The following ADD2 variants were observed in gnomAD, a reference collection of about 807,000 sequenced individuals.
ADD2 encodes the protein beta-adducin.
Under a neutral mutation model 83.0 loss-of-function variants are expected in ADD2, and 23 were observed. The observed-to-expected ratio is 0.28, with a 90% CI of 0.20 to 0.39. The LOEUF (loss-of-function observed/expected upper bound fraction) is 0.39, where lower values mean the gene tolerates loss of function less well. ADD2 is among the 10% of genes least tolerant of loss of function. The pLI is 1.00. For synonymous variants in ADD2, 375 were observed against 375.4 expected (o/e 1.00, Z 0.01); for missense variants, 758 against 944.9 (o/e 0.80, Z 2.59).
chr2:70,677,618 T>A, intron 12 of ADD2, 140 bp downstream of exon 12: 1 of 1,132,370 alleles, frequency 8.8e-7, no homozygotes, highest in Non-Finnish European at 1.3e-6. Context: ...CCATGGTCAG[T>A]CAATGGTAGT....
In ADD2 at chr2:70,672,859, C is replaced by T. The variant is rs782391328; in HGVS notation, c.1870+19G>A. 1.2e-6 allele frequency: 2 copies of T among 1,601,792 alleles called. No homozygotes were observed. The highest frequency in any genetic ancestry group is 1.7e-6 in the Non-Finnish European group (2 of 1,175,654). On this transcript the variant is annotated intron_variant, in intron 15 of 15. Transcript: ENST00000264436. The stretch of plus-strand genomic sequence containing the variant: ...ATGCACCCCTCTCCCTCCCTCCCAG[C>T]CTACTCAGCTGGACTCACCCTCTAA...
chr2:70,678,744 T>C lies in ADD2; in HGVS notation c.1343A>G (p.Glu448Gly), dbSNP rs1553368912. The change falls in exon 11 of 16, where the codon GAG becomes GGG. Residue 448 changes from glutamate to glycine, a missense_variant. By Grantham distance (98) the Glu-to-Gly change is moderately conservative. This residue lies in a region of ADD2 where 394 missense variants were observed against 509.3 expected (regional missense o/e 0.77). Coordinates refer to ENST00000264436, the MANE Select transcript of ADD2 (RefSeq NM_001617.4). ...NTYLRVNVADEVQRSMGSPRP... is the reference protein window; with the variant it reads ...NTYLRVNVADGVQRSMGSPRP... ...GGGGCTGCCCATGCTCCTCTGGACC[T>C]CATCGGCCACATTGACCCGCAGGTA... 2 of 1,600,854 alleles carry C rather than the reference T, an allele frequency of 1.2e-6. No individual in the cohort carries two copies. Among genetic ancestry groups the C allele is most frequent in the African/African-American group, 2.7e-5 (2 of 74,842 alleles).
rs1675375483 is a variant in ADD2, at chr2:70,656,837, AG to A, written c.*6587del. 6.6e-6 allele frequency: 1 copy of A among 152,214 alleles called. No homozygotes were observed. Among genetic ancestry groups the A allele is most frequent in the South Asian group, 2.1e-4 (1 of 4,830 alleles). 9.4% of individuals were successfully genotyped at this position (152,214 alleles called of 1,614,324 possible). A position where few individuals can be genotyped will look rare whatever the true frequency, so the allele number is the denominator to read the frequency against. On this transcript the variant is annotated 3_prime_UTR_variant, in exon 16 of 16. Transcript: ENST00000264436. ...GGGTCATGTCTGCAGGTGAGGTAACAGCACACACATACAGAAATTCACGGGC... is the reference window on the plus strand; with the variant it reads ...GGGTCATGTCTGCAGGTGAGGTAACACACACACATACAGAAATTCACGGGC...
Position 70,663,173 on chromosome 2 carries a change from TG to T in ADD2, c.*251del, listed in dbSNP as rs149058117. 17,816 of 488,344 alleles carry T rather than the reference TG, an allele frequency of 0.036. 673 individuals are homozygous for T. The highest frequency in any genetic ancestry group is 0.12 in the African/African-American group (6,377 of 51,776). 30.3% of individuals were successfully genotyped at this position (488,344 alleles called of 1,614,324 possible). A position where few individuals can be genotyped will look rare whatever the true frequency, so the allele number is the denominator to read the frequency against. On this transcript the variant is annotated 3_prime_UTR_variant, in exon 16 of 16. Coordinates refer to ENST00000264436, the MANE Select transcript of ADD2 (RefSeq NM_001617.4). ...TTGTGTAGTAGAAGGAGCACTGGAC[TG>T]GAAGTCAGGAGACCTGAATTCGAGT... is the stretch of plus-strand genomic sequence containing the variant.
At chr2:70,681,410 G>C (rs78401244) in intron 10 of ADD2, among the ~76,000 whole-genome samples, 10,058 of 152,190 alleles carry the variant, frequency 0.066, 560 homozygotes, top group African/African-American at 0.15. Flanking sequence ...CACCTTAGGA[G>C]GCTGAGACAG....
rs947715668 is a variant in ADD2, at chr2:70,711,358, T to A, written c.-35+1708A>T. ...AGGTGACCTATGATAGGCCCTTGGT[T>A]TCAAGGAAGGGTCTAGCCACCCCAG... On this transcript the variant is annotated intron_variant, in intron 2 of 15. Transcript: ENST00000264436. 22 of 152,126 alleles carry A rather than the reference T, an allele frequency of 1.4e-4. No homozygotes were observed. The East Asian group carries it at 3.5e-3, about 24-fold the overall frequency. 9.4% of individuals were successfully genotyped at this position (152,126 alleles called of 1,614,324 possible).
intron 1 of ADD2, among the ~76,000 whole-genome samples, chr2:70,734,864 C>A (rs1197156184): frequency 3.3e-5 from 5 of 152,100 alleles, no homozygotes; most frequent in Non-Finnish European, 7.3e-5. Flanking sequence ...CTTTCTAAAC[C>A]AAGAGCCCTG....
intron 1 of ADD2, among the ~76,000 whole-genome samples, chr2:70,761,763 C>A (rs1241235374): frequency 6.6e-6 from 1 of 150,596 alleles, no homozygotes; most frequent in Non-Finnish European, 1.5e-5. Context: ...GCTCTGCCTC[C>A]CGGGTTCATG....
At chr2:70,764,377 C>T (rs1209598357) in intron 1 of ADD2, among the ~76,000 whole-genome samples, 1 of 151,764 alleles carries the variant, frequency 6.6e-6, no homozygotes, top group Non-Finnish European at 1.5e-5. Context: ...ATCTTCAATC[C>T]CTGCCAATAG....
intron 11 of ADD2, 73 bp downstream of exon 11, chr2:70,678,631 G>A (rs782036106): frequency 9.5e-5 from 143 of 1,500,052 alleles, no homozygotes; most frequent in South Asian, 6.2e-4. Context: ...TTCTGTTCCC[G>A]TTTTAAAAAT....
intron 13 of ADD2, 110 bp from the exon 14 acceptor site, chr2:70,674,935 C>G: frequency 6.9e-7 from 1 of 1,459,452 alleles, no homozygotes. Context: ...CTAGGGACAG[C>G]GTGGCATGCA....
At chr2:70,668,287 T>G (rs1031330431) in intron 15 of ADD2, among the ~76,000 whole-genome samples, 1 of 152,150 alleles carries the variant, frequency 6.6e-6, no homozygotes, top group Non-Finnish European at 1.5e-5. Context: ...CTTCCAGGAA[T>G]GCCAGCTCCC....
At chr2:70,678,320 G>A (rs1553368807) in intron 11 of ADD2, among the ~76,000 whole-genome samples, 1 of 152,220 alleles carries the variant, frequency 6.6e-6, no homozygotes, top group Non-Finnish European at 1.5e-5. Context: ...CTTCATAGAA[G>A]TGGCTGTACA....
intron 4 of ADD2, among the ~76,000 whole-genome samples, chr2:70,700,340 T>A (rs1451412138): frequency 6.6e-6 from 1 of 151,978 alleles, no homozygotes; most frequent in African/African-American, 2.4e-5. Context: ...AAGAAAACAC[T>A]CCTAGATAGC....
chr2:70,670,136 T>C (rs1044354600), intron 15 of ADD2, among the ~76,000 whole-genome samples: 2 of 152,206 alleles, frequency 1.3e-5, no homozygotes, highest in African/African-American at 4.8e-5. Flanking sequence ...TTAAATCAAA[T>C]ATTATTGCTG....
At chr2:70,678,527 G>C (rs994379818) in intron 11 of ADD2, among the ~76,000 whole-genome samples, 177 bp downstream of exon 11, 1 of 152,256 alleles carries the variant, frequency 6.6e-6, no homozygotes, top group East Asian at 1.9e-4. Context: ...CAAGGAAGAA[G>C]TGGTCAGGGG....
intron 1 of ADD2, among the ~76,000 whole-genome samples, chr2:70,746,853 C>G (rs1674223781): frequency 6.6e-6 from 1 of 152,158 alleles, no homozygotes; most frequent in Non-Finnish European, 1.5e-5. Flanking sequence ...AGGTTAGCAT[C>G]TGAGCCAAAT....
intron 6 of ADD2, among the ~76,000 whole-genome samples, chr2:70,695,450 G>C (rs782084413): frequency 1.3e-5 from 2 of 151,946 alleles, no homozygotes; most frequent in African/African-American, 2.4e-5. Context: ...AATCCCAGGT[G>C]TAGCCATCCC....
chr2:70,673,237 C>A (rs782236653), intron 14 of ADD2: 19 of 1,613,880 alleles, frequency 1.2e-5, no homozygotes, highest in African/African-American at 5.3e-5. Context: ...CAAAACACAC[C>A]TACCAATATG....
Sources: allele counts gnomAD v4.1 joint callset (sites outside exome capture counted in the v4.1 genomes callset), GRCh38; gene constraint gnomAD v4.1.1; regional missense constraint gnomAD v4.1.1; transcripts MANE v1.5; gene names NCBI Gene and HGNC (gene_info 2026-07-23, HGNC 2026-07-21).